Variants in COL22A1 observed in about 807,000 individuals in gnomAD.
The protein encoded by COL22A1 is collagen alpha-1(XXII) chain.
In COL22A1, 221 loss-of-function variants were observed where a neutral mutation model predicts 248.9. The observed-to-expected ratio is 0.89, with a 90% CI of 0.80 to 0.99. The LOEUF is 0.99. Ranked by LOEUF, COL22A1 falls within the 50% of genes least tolerant of loss-of-function variation. The pLI is 0.00. For missense variants in COL22A1, 2,240 were observed against 2,179.0 expected (o/e 1.03, Z -0.56); for synonymous variants, 891 against 793.4 (o/e 1.12, Z -2.07).
chr8:138,776,974 G>A (rs974269280), intron 15 of COL22A1, among the ~76,000 whole-genome samples: 14 of 152,162 alleles, frequency 9.2e-5, no homozygotes, highest in African/African-American at 1.9e-4. Flanking sequence ...CAGATTACAC[G>A]GTGAGGCACT....
At chr8:138,863,088 T>G (rs1257237939) in intron 3 of COL22A1, among the ~76,000 whole-genome samples, 1 of 152,144 alleles carries the variant, frequency 6.6e-6, no homozygotes, top group Non-Finnish European at 1.5e-5. Context: ...TCTCAGGAGT[T>G]AAGATGTTTA....
intron 45 of COL22A1, among the ~76,000 whole-genome samples, chr8:138,654,800 C>CAA (rs1823080208): frequency 6.6e-6 from 1 of 152,184 alleles, no homozygotes; most frequent in African/African-American, 2.4e-5. Context: ...CCATGCTGTG[C>CAA]CCTATCTTGG....
intron 22 of COL22A1, among the ~76,000 whole-genome samples, chr8:138,744,481 C>CCACACACACA (rs60847304): frequency 0.013 from 1,952 of 148,738 alleles, 41 homozygotes; most frequent in African/African-American, 0.044. Context: ...CACACACACA[C>CCACACACACA]CACACACACA....
intron 16 of COL22A1, among the ~76,000 whole-genome samples, chr8:138,769,433 G>A (rs920354926): frequency 2.0e-5 from 3 of 152,182 alleles, no homozygotes; most frequent in Admixed American, 2.0e-4. Context: ...TGGGAAGGGG[G>A]AAGATGGCAT....
At chr8:138,727,831 A>C (rs895428471) in intron 23 of COL22A1, among the ~76,000 whole-genome samples, 8 of 152,074 alleles carry the variant, frequency 5.3e-5, no homozygotes, top group African/African-American at 1.9e-4. Flanking sequence ...GCAGGTTCCA[A>C]CCTGGGTCCT....
At chr8:138,786,069 T>C (rs900167071) in intron 12 of COL22A1, among the ~76,000 whole-genome samples, 9 of 152,210 alleles carry the variant, frequency 5.9e-5, no homozygotes, top group Non-Finnish European at 2.9e-5. Context: ...CTGATGACTT[T>C]GGACAAATTG....
chr8:138,659,740 G>A (rs756097804), intron 44 of COL22A1, among the ~76,000 whole-genome samples: 22 of 152,228 alleles, frequency 1.4e-4, no homozygotes, highest in Non-Finnish European at 2.9e-4. Context: ...CCTCGCATCA[G>A]GGAAGCCTAT....
chr8:138,604,483 G>C (rs1818275063), intron 59 of COL22A1, among the ~76,000 whole-genome samples: 1 of 152,220 alleles, frequency 6.6e-6, no homozygotes, highest in Non-Finnish European at 1.5e-5. Context: ...TGATAGCTTG[G>C]ATGCTGAGGA....
At chr8:138,696,970 T>C (rs143683223) in intron 32 of COL22A1, among the ~76,000 whole-genome samples, 8 of 152,200 alleles carry the variant, frequency 5.3e-5, no homozygotes, top group African/African-American at 1.9e-4. Flanking sequence ...AAAGGGCTTA[T>C]GGGATTGTTT....
chr8:138,597,910 A>G (rs1381786912), intron 61 of COL22A1, among the ~76,000 whole-genome samples: 1 of 152,120 alleles, frequency 6.6e-6, no homozygotes, highest in African/African-American at 2.4e-5. Flanking sequence ...GGCGTCTTTC[A>G]GGGCACCTGA....
At position 138,877,955 on chromosome 8, in the gene COL22A1, G is replaced by A. The variant is rs758509830; in HGVS notation, c.453C>T (p.Asp151=). 12 of 1,595,208 alleles carry A rather than the reference G, an allele frequency of 7.5e-6. No homozygotes were observed. The highest frequency in any genetic ancestry group is 1.3e-5 in the African/African-American group (1 of 74,438). Residue 151 remains aspartate (D), a synonymous_variant, in exon 3 of 65, where the codon GAC becomes GAT. Coordinates refer to ENST00000303045, the MANE Select transcript of COL22A1 (RefSeq NM_152888.3). ...CCAGCACCAGGTCCTGGCTGCGGCC[G>A]TCGGTGAGCAGGATGGCCACCTGCT... ...AYKQVAILLT[D]GRSQDLVLDA... is the part of the protein sequence containing the mutation.
chr8:138,608,332 C>T (rs1017448215), intron 56 of COL22A1, among the ~76,000 whole-genome samples: 2 of 152,176 alleles, frequency 1.3e-5, no homozygotes, highest in Non-Finnish European at 2.9e-5. Flanking sequence ...TGTTGAAGAA[C>T]AAACAAACCA....
At chr8:138,689,292 A>G (rs1826632645) in intron 36 of COL22A1, among the ~76,000 whole-genome samples, 1 of 152,182 alleles carries the variant, frequency 6.6e-6, no homozygotes, top group African/African-American at 2.4e-5. Flanking sequence ...CACTCTGGGA[A>G]GATGAGGATG....
intron 1 of COL22A1, among the ~76,000 whole-genome samples, chr8:138,895,510 C>CA (rs1424188788): frequency 6.6e-6 from 1 of 151,410 alleles, no homozygotes; most frequent in Non-Finnish European, 1.5e-5. Context: ...AATACAATAA[C>CA]AACATTTAGA....
At chr8:138,764,174 TGTGGGTGCCTGCCCACCA>T (rs1218111083) in intron 16 of COL22A1, among the ~76,000 whole-genome samples, 3 of 152,208 alleles carry the variant, frequency 2.0e-5, no homozygotes, top group Non-Finnish European at 4.4e-5. Context: ...CTGTGCTCGC[TGTGGGTGCCTGCCCACCA>T]GTGGACAATG....
At chr8:138,823,757 C>A (rs142676090) in intron 6 of COL22A1, among the ~76,000 whole-genome samples, 27 of 152,300 alleles carry the variant, frequency 1.8e-4, no homozygotes, top group Non-Finnish European at 3.7e-4. Context: ...TTATCTTATG[C>A]GTATCTTTTG....
At chr8:138,779,355 G>A (rs954532069) in intron 14 of COL22A1, among the ~76,000 whole-genome samples, 154 bp downstream of exon 14, 1 of 152,158 alleles carries the variant, frequency 6.6e-6, no homozygotes, top group Non-Finnish European at 1.5e-5. Context: ...TAAGAATTGT[G>A]TGTGGATATA....
rs754149324 is a variant in COL22A1, at chr8:138,596,983, G to A, written c.4366-13C>T. The A allele has an allele frequency of 1.9e-6, 3 of 1,611,546 alleles. No individual in the cohort carries two copies. Among genetic ancestry groups the A allele is most frequent in the Non-Finnish European group, 2.5e-6 (3 of 1,178,048 alleles). ...ATGGAGACTCCCCCTAGGAGGGAGG[G>A]AAGGTGGAGTCATTCATCTTCCCAG... On this transcript the variant is annotated splice_polypyrimidine_tract_variant and intron_variant, in intron 61 of 64. Transcript: ENST00000303045.
At chr8:138,611,781 GT>G (rs1156688882) in intron 56 of COL22A1, among the ~76,000 whole-genome samples, 1 of 152,176 alleles carries the variant, frequency 6.6e-6, no homozygotes, top group Admixed American at 6.5e-5. Flanking sequence ...TACCTGCTAA[GT>G]TCTGAAAAGA....
Sources: gnomAD v4.1 joint callset for allele counts (sites outside exome capture counted in the v4.1 genomes callset) on GRCh38, gnomAD v4.1.1 for gene constraint, MANE v1.5 for transcripts, NCBI Gene and HGNC (gene_info 2026-07-23, HGNC 2026-07-21) for gene names.